The following NRG3 variants were observed in gnomAD, a reference collection of about 807,000 sequenced individuals.
NRG3 encodes the protein neuregulin 3, also known as pro-neuregulin-3, membrane-bound isoform.
Under a neutral mutation model 66.9 loss-of-function variants are expected in NRG3, and 31 were observed. That is an observed-to-expected ratio of 0.46 (90% CI 0.35 to 0.63). NRG3 has a LOEUF of 0.63. Ranked by LOEUF, NRG3 falls within the 20% of genes least tolerant of loss-of-function variation. NRG3 has a pLI of 0.00. For missense variants in NRG3, 910 were observed against 878.9 expected, an observed-to-expected ratio of 1.04 and a Z score of -0.45; for synonymous variants, 393 against 359.4, an observed-to-expected ratio of 1.09 and a Z score of -1.06.
chr10:82,891,133 A>G (rs1274271264), intron 4 of NRG3, among the ~76,000 whole-genome samples: 1 of 151,870 alleles, frequency 6.6e-6, no homozygotes, highest in Non-Finnish European at 1.5e-5. Flanking sequence ...TATAATTTTA[A>G]AATCAACTCT....
chr10:82,767,259 G>A (rs369363081), intron 3 of NRG3, among the ~76,000 whole-genome samples: 19 of 152,084 alleles, frequency 1.2e-4, no homozygotes, highest in African/African-American at 4.6e-4. Context: ...TCAATCTGCT[G>A]CCTGCATGTC....
At chr10:82,790,181 G>A (rs2060528071) in intron 3 of NRG3, among the ~76,000 whole-genome samples, 1 of 151,934 alleles carries the variant, frequency 6.6e-6, no homozygotes, top group African/African-American at 2.4e-5. Context: ...TATCTTTATG[G>A]GTACCCTGTT....
chr10:82,055,941 A>G (rs2063826821), intron 1 of NRG3, among the ~76,000 whole-genome samples: 2 of 152,206 alleles, frequency 1.3e-5, no homozygotes. Flanking sequence ...TAAGAAGCAC[A>G]GGTCATTCAG....
chr10:82,195,776 G>A (rs960025668), intron 1 of NRG3, among the ~76,000 whole-genome samples: 3 of 152,276 alleles, frequency 2.0e-5, no homozygotes, highest in East Asian at 1.9e-4. Context: ...ACAAGGGCTC[G>A]TATAAGTAAA....
At chr10:82,161,812 C>G (rs570966430) in intron 1 of NRG3, among the ~76,000 whole-genome samples, 19 of 152,092 alleles carry the variant, frequency 1.2e-4, no homozygotes, top group Admixed American at 1.3e-4. Flanking sequence ...AGATGGAGAT[C>G]CTGGATTGCT....
In NRG3 at chr10:82,487,230, G is replaced by A. The variant is rs1842758556; in HGVS notation, c.953+128362G>A. Among the ~76,000 whole-genome samples the A allele has an allele frequency of 3.3e-5, 5 of 151,788 alleles. No homozygotes were observed. In the South Asian group the frequency reaches 1.0e-3, roughly 32 times the overall value. ...ACATAAACCTATATATAAATAAACA[G>A]AAATTGTAAGTCAGTATAAAAGCCA... On this transcript the variant is annotated intron_variant, in intron 2 of 8. Transcript: ENST00000372141.
chr10:81,902,307 G>C (rs1844154770), intron 1 of NRG3, among the ~76,000 whole-genome samples: 1 of 152,180 alleles, frequency 6.6e-6, no homozygotes, highest in South Asian at 2.1e-4. Flanking sequence ...TATGCTTGAT[G>C]CTAAGGAAGC....
chr10:82,779,017 T>A (rs1447747483), intron 3 of NRG3, among the ~76,000 whole-genome samples: 1 of 152,068 alleles, frequency 6.6e-6, no homozygotes, highest in Non-Finnish European at 1.5e-5. Context: ...TAGTAGAGTC[T>A]CAGGGATGAA....
chr10:82,270,299 C>A (rs557962514), intron 1 of NRG3, among the ~76,000 whole-genome samples: 1 of 152,272 alleles, frequency 6.6e-6, no homozygotes, highest in African/African-American at 2.4e-5. Context: ...CACTCTCTAT[C>A]CCTGCTTCCC....
intron 1 of NRG3, among the ~76,000 whole-genome samples, chr10:81,986,528 G>A (rs7476147): frequency 0.18 from 27,153 of 151,810 alleles, 3,093 homozygotes; most frequent in East Asian, 0.42. Context: ...TGAAAATGAC[G>A]CCTGTGTTTA....
intron 6 of NRG3, among the ~76,000 whole-genome samples, chr10:82,967,145 A>G (rs1012551921): frequency 4.7e-5 from 7 of 148,658 alleles, no homozygotes; most frequent in Non-Finnish European, 7.4e-5. Flanking sequence ...TTTTATATAT[A>G]TATATATGTA....
chr10:81,965,320 G>A (rs541124358), intron 1 of NRG3, among the ~76,000 whole-genome samples: 2 of 152,218 alleles, frequency 1.3e-5, no homozygotes, highest in South Asian at 4.1e-4. Flanking sequence ...TTAGATGTGG[G>A]GACTTAGACA....
At chr10:82,197,836 C>G (rs915539494) in intron 1 of NRG3, among the ~76,000 whole-genome samples, 2 of 152,100 alleles carry the variant, frequency 1.3e-5, no homozygotes, top group Non-Finnish European at 2.9e-5. Context: ...AAATTTGTCT[C>G]TATTTTCTTA....
At chr10:82,776,108 G>C (rs35283285) in intron 3 of NRG3, among the ~76,000 whole-genome samples, 11,567 of 152,018 alleles carry the variant, frequency 0.076, 568 homozygotes, top group South Asian at 0.14. Flanking sequence ...TTTTTGTAAG[G>C]CAGTTCTATT....
intron 1 of NRG3, among the ~76,000 whole-genome samples, chr10:82,113,194 A>G (rs1416725361): frequency 6.6e-6 from 1 of 152,148 alleles, no homozygotes. Context: ...TTCATGTGTT[A>G]TCTCATTTAA....
At chr10:82,731,064 C>A (rs1183203029) in intron 2 of NRG3, among the ~76,000 whole-genome samples, 1 of 151,934 alleles carries the variant, frequency 6.6e-6, no homozygotes, top group Non-Finnish European at 1.5e-5. Context: ...GGGTAGTCTG[C>A]AGTCAAGAAA....
At chr10:82,308,708 C>A (rs1019010888) in intron 1 of NRG3, among the ~76,000 whole-genome samples, 1 of 152,118 alleles carries the variant, frequency 6.6e-6, no homozygotes, top group Non-Finnish European at 1.5e-5. Context: ...TTATTAGGAT[C>A]TTTCCTGAAT....
chr10:82,799,659 G>C (rs60695870), intron 3 of NRG3: 21,299 of 152,088 alleles, frequency 0.14, 1,612 homozygotes, highest in Non-Finnish European at 0.16. Flanking sequence ...CACTGATGGG[G>C]GATTCGTGCA....
chr10:82,374,668 G>A (rs950793431), intron 2 of NRG3, among the ~76,000 whole-genome samples: 9 of 152,096 alleles, frequency 5.9e-5, no homozygotes, highest in African/African-American at 1.2e-4. Context: ...CAACAAGGTC[G>A]CAAGTGATGA....
Sources: allele counts gnomAD v4.1 joint callset (sites outside exome capture counted in the v4.1 genomes callset), GRCh38; gene constraint gnomAD v4.1.1; transcripts MANE v1.5; gene names NCBI Gene and HGNC (gene_info 2026-07-23, HGNC 2026-07-21).